Variants in TACC2 observed in about 807,000 individuals in gnomAD.
The protein encoded by TACC2 is transforming acidic coiled-coil containing protein 2.
TACC2 carries 137 observed loss-of-function variants against 227.3 expected under a neutral mutation model. The observed-to-expected ratio is 0.60, with a 90% CI of 0.52 to 0.69. The LOEUF (loss-of-function observed/expected upper bound fraction) is 0.69, where lower values mean the gene tolerates loss of function less well. Ranked by LOEUF, TACC2 falls within the 30% of genes least tolerant of loss-of-function variation. TACC2 has a pLI of 0.00. For missense variants in TACC2, 3,470 were observed against 3,694.4 expected, an observed-to-expected ratio of 0.94 and a Z score of 1.57; for synonymous variants, 1,523 against 1,487.5, an observed-to-expected ratio of 1.02 and a Z score of -0.55.
At chr10:122,234,664 T>A (rs1286333816) in intron 16 of TACC2, among the ~76,000 whole-genome samples, 1 of 152,156 alleles carries the variant, frequency 6.6e-6, no homozygotes, top group Non-Finnish European at 1.5e-5. Flanking sequence ...GATGAAGGGG[T>A]CAGTGAACAG....
chr10:122,134,923 TC>T (rs1187996365), intron 6 of TACC2, among the ~76,000 whole-genome samples: 4 of 152,204 alleles, frequency 2.6e-5, no homozygotes, highest in Non-Finnish European at 5.9e-5. Context: ...AAGTGACTTG[TC>T]CCAGGCTCCA....
chr10:122,015,609 T>C (rs981919386), intron 1 of TACC2, among the ~76,000 whole-genome samples: 1 of 152,100 alleles, frequency 6.6e-6, no homozygotes, highest in African/African-American at 2.4e-5. Flanking sequence ...CCTAGCACTT[T>C]GGGAGGTTGA....
intron 7 of TACC2, among the ~76,000 whole-genome samples, chr10:122,156,248 G>A (rs2092464598): frequency 6.8e-6 from 1 of 148,048 alleles, no homozygotes; most frequent in Non-Finnish European, 1.5e-5. Context: ...TTTTGAGACA[G>A]AGTCTTGCTC....
intron 3 of TACC2, among the ~76,000 whole-genome samples, chr10:122,055,771 A>G (rs571533133): frequency 6.6e-6 from 1 of 152,352 alleles, no homozygotes; most frequent in South Asian, 2.1e-4. Flanking sequence ...CCTGGGTGGG[A>G]ATTTTGGTAT....
rs188414404 is a variant in TACC2 at position 122,206,054 on chromosome 10, G to A, written c.5972-4343G>A. 9.9e-5 allele frequency among the ~76,000 whole-genome samples: 15 copies of A among 151,920 alleles called. No individual in the cohort carries two copies. The East Asian group carries it at 1.7e-3, about 18-fold the overall frequency. On this transcript the variant is annotated intron_variant, in intron 8 of 22. Transcript: ENST00000369005. ...TGGGCACACCTCTGGCCCTCTGGGCGCCAAGGATTCCTGTGCACAGTGAAC... is the reference window on the plus strand; with the variant it reads ...TGGGCACACCTCTGGCCCTCTGGGCACCAAGGATTCCTGTGCACAGTGAAC...
intron 7 of TACC2, among the ~76,000 whole-genome samples, chr10:122,159,052 G>A (rs535316280): frequency 4.6e-5 from 7 of 152,306 alleles, no homozygotes; most frequent in African/African-American, 1.7e-4. Context: ...CCGAGGGGAT[G>A]GGAAGAAAGA....
intron 3 of TACC2, among the ~76,000 whole-genome samples, chr10:122,055,238 A>G (rs181441267): frequency 1.3e-5 from 2 of 152,276 alleles, no homozygotes; most frequent in East Asian, 3.9e-4. Context: ...AAATAAAAAA[A>G]AAGTGAAGAA....
In TACC2 at chr10:122,254,181, CTAAA is replaced by C. The variant is rs751463672; in HGVS notation, c.*130_*133del. The C allele has an allele frequency of 1.7e-5, 14 of 811,244 alleles. No individual in the cohort carries two copies. Among genetic ancestry groups the C allele is most frequent in the Non-Finnish European group, 2.6e-5 (12 of 460,036 alleles). The allele number at this position is 811,244 out of a possible 1,614,324, so 50.3% of individuals were successfully genotyped here. ...TCGTATGCACTACTGTATTTCCTTTCTAAATAAAATTGATTTGATTGTATGCAGT... is the reference window on the plus strand; with the variant it reads ...TCGTATGCACTACTGTATTTCCTTTCTAAAATTGATTTGATTGTATGCAGT... On this transcript the variant is annotated 3_prime_UTR_variant, in exon 23 of 23. Coordinates refer to ENST00000369005, the MANE Select transcript of TACC2 (RefSeq NM_206862.4).
chr10:122,163,646 G>T (rs1188387635), intron 7 of TACC2: 1 of 1,039,658 alleles, frequency 9.6e-7, no homozygotes, highest in Non-Finnish European at 1.2e-6. Flanking sequence ...GCTCATACCC[G>T]CACGCCCCGG....
chr10:121,997,173 G>T (rs888041503), intron 1 of TACC2, among the ~76,000 whole-genome samples: 1 of 152,116 alleles, frequency 6.6e-6, no homozygotes, highest in Non-Finnish European at 1.5e-5. Context: ...TTTCAATTGG[G>T]GCACATTTGG....
chr10:122,215,245 C>T, intron 9 of TACC2, 146 bp from the exon 10 acceptor site: 2 of 672,722 alleles, frequency 3.0e-6, no homozygotes, highest in Non-Finnish European at 5.4e-6. Context: ...CCGGCGTGGC[C>T]TCTCGCTGGT....
intron 13 of TACC2, among the ~76,000 whole-genome samples, chr10:122,227,218 A>G (rs2095646847): frequency 6.6e-6 from 1 of 152,140 alleles, no homozygotes; most frequent in African/African-American, 2.4e-5. Flanking sequence ...ATGGGTGTTC[A>G]TGTTTGCATT....
intron 2 of TACC2, among the ~76,000 whole-genome samples, chr10:122,048,044 G>T: frequency 6.6e-6 from 1 of 152,164 alleles, no homozygotes; most frequent in East Asian, 1.9e-4. Flanking sequence ...TCTTCGGGCT[G>T]GTGTCTGAAG....
rs61730787 is a variant in TACC2, at chr10:122,226,466, C to T, written c.7709C>T (p.Pro2570Leu). The T allele has an allele frequency of 2.0e-5, 32 of 1,613,092 alleles. No individual in the cohort carries two copies. The highest frequency in any genetic ancestry group is 3.3e-5 in the Admixed American group (2 of 59,974). ...KSSPVRMSES[P>L]TPCSGSSFEE... ...TCTCCCGTCCGCATGTCAGAGTCCCCGACGCCGTGTTCAGGGTATGACTTC... is the reference window on the plus strand; with the variant it reads ...TCTCCCGTCCGCATGTCAGAGTCCCTGACGCCGTGTTCAGGGTATGACTTC... Residue 2570 changes from proline to leucine, a missense_variant, in exon 13 of 23, where the codon CCG becomes CTG. This residue lies in a region of TACC2 where 345 missense variants were observed against 354.4 expected (regional missense o/e 0.97). Transcript: ENST00000369005.
At chr10:122,075,288 C>A (rs1259377342) in intron 3 of TACC2, among the ~76,000 whole-genome samples, 1 of 152,122 alleles carries the variant, frequency 6.6e-6, no homozygotes, top group African/African-American at 2.4e-5. Context: ...TACCCCCGAA[C>A]CATCCTTCCC....
At chr10:122,195,886 A>G (rs1481904260) in intron 8 of TACC2, among the ~76,000 whole-genome samples, 2 of 152,172 alleles carry the variant, frequency 1.3e-5, no homozygotes, top group Non-Finnish European at 2.9e-5. Context: ...CAGGGGGCCC[A>G]GGTGGTATTG....
chr10:122,061,713 C>A (rs937021146), intron 3 of TACC2, among the ~76,000 whole-genome samples: 2 of 152,052 alleles, frequency 1.3e-5, no homozygotes, highest in African/African-American at 4.8e-5. Context: ...ACCAGAGGCA[C>A]GAAGATGAGC....
At chr10:122,250,274 G>A (rs1564887243) in intron 22 of TACC2, among the ~76,000 whole-genome samples, 1 of 152,238 alleles carries the variant, frequency 6.6e-6, no homozygotes, top group Non-Finnish European at 1.5e-5. Context: ...CTGCGTGTGT[G>A]TGAGTGAGGG....
At chr10:122,062,410 G>A (rs543116662) in intron 3 of TACC2, among the ~76,000 whole-genome samples, 7 of 150,796 alleles carry the variant, frequency 4.6e-5, no homozygotes, top group African/African-American at 1.5e-4. Context: ...GGGTTCAAGT[G>A]ATTCTGCCTC....
Sources: gnomAD v4.1 joint callset for allele counts (sites outside exome capture counted in the v4.1 genomes callset) on GRCh38, gnomAD v4.1.1 for gene constraint, gnomAD v4.1.1 regional missense constraint, MANE v1.5 for transcripts, NCBI Gene and HGNC (gene_info 2026-07-23, HGNC 2026-07-21) for gene names.